The following RGS22 variants were observed in gnomAD, a reference collection of about 807,000 sequenced individuals.
The protein encoded by RGS22 is regulator of G protein signaling 22.
In RGS22, 148 loss-of-function variants were observed where a neutral mutation model predicts 172.9. The observed-to-expected ratio is 0.86, with a 90% confidence interval of 0.75 to 0.98. The LOEUF is 0.98. RGS22 is among the 50% of genes least tolerant of loss of function. The pLI, the probability that RGS22 is intolerant of heterozygous loss-of-function variation, is 0.00. For missense variants in RGS22, 1,347 were observed against 1,440.8 expected (o/e 0.93, Z 1.05); for synonymous variants, 458 against 480.2 (o/e 0.95, Z 0.60).
intron 21 of RGS22, 60 bp downstream of exon 21, chr8:99,987,398 G>C: frequency 4.5e-6 from 6 of 1,321,968 alleles, no homozygotes; most frequent in Non-Finnish European, 6.2e-6. Context: ...TTAAAAATCT[G>C]ACATTTTAAT....
chr8:99,982,731 T>C (rs1812680964), intron 21 of RGS22, among the ~76,000 whole-genome samples: 1 of 152,234 alleles, frequency 6.6e-6, no homozygotes, highest in African/African-American at 2.4e-5. Flanking sequence ...ATTATCTATG[T>C]TGTGTAGTTA....
At chr8:100,093,585 G>T in intron 2 of RGS22, 76 bp from the exon 3 acceptor site, 1 of 979,096 alleles carries the variant, frequency 1.0e-6, no homozygotes, top group Non-Finnish European at 1.6e-6. Flanking sequence ...CTCTATTTCT[G>T]CTACGAATTT....
intron 23 of RGS22, among the ~76,000 whole-genome samples, chr8:99,966,316 G>A (rs1346583549): frequency 6.6e-6 from 1 of 152,026 alleles, no homozygotes; most frequent in East Asian, 1.9e-4. Context: ...AATACAACCT[G>A]TTGGGTACAA....
rs1811631132 is a variant in RGS22 at position 100,080,008 on chromosome 8, T to C, written c.339+126A>G. 6.1e-6 allele frequency: 4 copies of C among 661,134 alleles called. No homozygotes were observed. The South Asian group carries it at 6.1e-5, about 10-fold the overall frequency. 41.0% of individuals were successfully genotyped at this position (661,134 alleles called of 1,614,324 possible). A position where few individuals can be genotyped will look rare whatever the true frequency, so the allele number is the denominator to read the frequency against. ...GATTTGAAAAGTGCTTAACAAATAC[T>C]ATGTGTACGTACAACACAAGCTAAT... On this transcript the variant is annotated intron_variant, in intron 4 of 27. Transcript: ENST00000360863.
At chr8:100,066,054 G>GTA in intron 7 of RGS22, 113 bp downstream of exon 7, 1 of 892,446 alleles carries the variant, frequency 1.1e-6, no homozygotes. Context: ...GAGGCAAAGC[G>GTA]TATGTGGATA....
At chr8:99,974,287 AGG>A (rs1413771419) in intron 23 of RGS22, among the ~76,000 whole-genome samples, 2 of 152,074 alleles carry the variant, frequency 1.3e-5, no homozygotes, top group African/African-American at 4.8e-5. Flanking sequence ...GGGGTTGGGG[AGG>A]GGTGATTTTA....
chr8:100,105,954 C>T lies in RGS22; in HGVS notation c.-33G>A, dbSNP rs1454746982. The T allele has an allele frequency of 3.5e-6, 5 of 1,445,908 alleles. No individual in the cohort carries two copies. Among genetic ancestry groups the T allele is most frequent in the Admixed American group, 5.5e-5 (2 of 36,168 alleles). The allele number at this position is 1,445,908 out of a possible 1,614,324, so 89.6% of individuals were successfully genotyped here. A position where few individuals can be genotyped will look rare whatever the true frequency, so the allele number is the denominator to read the frequency against. On this transcript the variant is annotated 5_prime_UTR_variant, in exon 1 of 28. Coordinates refer to ENST00000360863, the MANE Select transcript of RGS22 (RefSeq NM_015668.5). ...CCGCTGCCCGCGCCTGGAGCCCGCG[C>T]GGGCCGTCAGGGCCCTAGCGCGCGG...
intron 14 of RGS22, among the ~76,000 whole-genome samples, chr8:100,036,259 T>A (rs1250262992): frequency 6.6e-6 from 1 of 152,110 alleles, no homozygotes; most frequent in Non-Finnish European, 1.5e-5. Flanking sequence ...GTCAAAGATG[T>A]CTCTACACTA....
rs1226723307 is a variant in RGS22 at position 99,962,766 on chromosome 8, G to C, written c.3711C>G (p.Gly1237=). ...QEELEKKLFA[G]LQPLTNFKAS... ...CCTTAAAATTTGTGAGAGGTTGCAA[G>C]CCTGCACAAAAATAAAAGAGATAAG... is the stretch of plus-strand genomic sequence containing the variant. Residue 1237 remains glycine, a splice_region_variant and synonymous_variant, in exon 26 of 28, where the codon GGC becomes GGG. Coordinates refer to ENST00000360863, the MANE Select transcript of RGS22 (RefSeq NM_015668.5). 7 of 1,605,280 alleles carry C rather than the reference G, an allele frequency of 4.4e-6. No homozygotes were observed. The highest frequency in any genetic ancestry group is 5.1e-6 in the Non-Finnish European group (6 of 1,177,320).
chr8:100,100,312 CGTA>C (rs1813370474), intron 2 of RGS22, among the ~76,000 whole-genome samples: 1 of 131,088 alleles, frequency 7.6e-6, no homozygotes, highest in Non-Finnish European at 1.6e-5. Context: ...TTTTTTGAGA[CGTA>C]GTCTCATTCT....
chr8:100,065,489 T>TTA (rs142942564), intron 7 of RGS22, among the ~76,000 whole-genome samples: 96 of 152,348 alleles, frequency 6.3e-4, no homozygotes, highest in African/African-American at 2.1e-3. Context: ...CAGAGGTTGC[T>TTA]TATACTTCTT....
intron 20 of RGS22, among the ~76,000 whole-genome samples, chr8:99,990,999 C>T (rs941681183): frequency 7.2e-5 from 11 of 152,160 alleles, no homozygotes; most frequent in African/African-American, 2.7e-4. Flanking sequence ...CCAACAAACT[C>T]CAACAGACCT....
At chr8:100,026,046 T>G (rs1220240948) in intron 14 of RGS22, among the ~76,000 whole-genome samples, 1 of 151,618 alleles carries the variant, frequency 6.6e-6, no homozygotes, top group South Asian at 2.1e-4. Flanking sequence ...GGTAAATGTT[T>G]GTGGAAATAG....
chr8:99,973,592 C>T (rs1195127139), intron 23 of RGS22, among the ~76,000 whole-genome samples: 1 of 151,968 alleles, frequency 6.6e-6, no homozygotes, highest in Non-Finnish European at 1.5e-5. Flanking sequence ...ATGACGTGGC[C>T]AGGCACCGTG....
At chr8:100,042,713 T>C (rs1023539203) in intron 11 of RGS22, 7 of 152,268 alleles carry the variant, frequency 4.6e-5, no homozygotes, top group Non-Finnish European at 7.3e-5. Flanking sequence ...CAGATTACCT[T>C]GCAGGTTCTT....
intron 3 of RGS22, among the ~76,000 whole-genome samples, chr8:100,089,313 T>C (rs1041163317): frequency 2.6e-5 from 4 of 152,138 alleles, no homozygotes; most frequent in Non-Finnish European, 5.9e-5. Flanking sequence ...GCCCATTTAA[T>C]TGTTAGAAAA....
At chr8:100,049,123 G>A (rs1435836171) in intron 10 of RGS22, among the ~76,000 whole-genome samples, 1 of 152,150 alleles carries the variant, frequency 6.6e-6, no homozygotes, top group African/African-American at 2.4e-5. Context: ...ATGGGGATGG[G>A]TGGGGAAACA....
chr8:99,962,927 G>T lies in RGS22; in HGVS notation c.3667C>A (p.Leu1223Ile), dbSNP rs770280436. The T allele has an allele frequency of 1.9e-6, 3 of 1,600,704 alleles. No homozygotes were observed. Among genetic ancestry groups the T allele is most frequent in the Admixed American group, 1.8e-5 (1 of 56,310 alleles). Residue 1223 changes from leucine (L) to isoleucine (I), a missense_variant, in exon 25 of 28, where the codon CTT (leucine) becomes ATT (isoleucine). Physicochemically the swap from Leu to Ile is conservative, Grantham distance 5. Coordinates refer to ENST00000360863, the MANE Select transcript of RGS22 (RefSeq NM_015668.5). ...TCTAGTTCTTCTTGGATCTTAAGAAGAATTCTCTCCTGTTCTAAGGCTTCT... is the reference window on the plus strand; with the variant it reads ...TCTAGTTCTTCTTGGATCTTAAGAATAATTCTCTCCTGTTCTAAGGCTTCT... ...YIEALEQERI[L>I]LKIQEELEKK...
intron 2 of RGS22, among the ~76,000 whole-genome samples, chr8:100,101,887 TTAAA>T (rs1813523111): frequency 6.6e-6 from 1 of 151,576 alleles, no homozygotes; most frequent in South Asian, 2.1e-4. Context: ...AAAAAACTAC[TTAAA>T]TAAAATAATA....
Sources: allele counts gnomAD v4.1 joint callset (sites outside exome capture counted in the v4.1 genomes callset), GRCh38; gene constraint gnomAD v4.1.1; transcripts MANE v1.5; gene names NCBI Gene and HGNC (gene_info 2026-07-23, HGNC 2026-07-21).